The following PLCXD3 variants were observed in gnomAD, a reference collection of about 807,000 sequenced individuals.
PLCXD3 encodes the protein phosphatidylinositol specific phospholipase C X domain containing 3.
Under a neutral mutation model 25.5 loss-of-function variants are expected in PLCXD3, and 19 were observed. That is an observed-to-expected ratio of 0.75 (90% CI 0.52 to 1.09). PLCXD3 has a LOEUF of 1.09. Among genes scored for constraint, PLCXD3 ranks in the 50% least tolerant of loss-of-function variants. PLCXD3 has a pLI of 0.00. For synonymous variants in PLCXD3, 174 were observed against 137.6 expected (o/e 1.26, Z -1.85); for missense variants, 411 against 388.1 (o/e 1.06, Z -0.50).
intron 1 of PLCXD3, among the ~76,000 whole-genome samples, chr5:41,473,535 C>G (rs1748216828): frequency 1.3e-5 from 2 of 152,170 alleles, no homozygotes; most frequent in African/African-American, 4.8e-5. Flanking sequence ...CTCCGCCTCC[C>G]AGGTTCACGC....
At chr5:41,395,066 A>G (rs1745960439) in intron 1 of PLCXD3, among the ~76,000 whole-genome samples, 1 of 152,168 alleles carries the variant, frequency 6.6e-6, no homozygotes, top group African/African-American at 2.4e-5. Flanking sequence ...AATATATCAT[A>G]TATTAGGTCA....
In PLCXD3 at chr5:41,309,286, AAAAC is replaced by A. The variant is rs1743070651; in HGVS notation, c.*4327_*4330del. 6.6e-6 allele frequency: 1 copy of A among 152,606 alleles called. No individual in the cohort carries two copies. The allele number at this position is 152,606 out of a possible 1,614,324, so 9.5% of individuals were successfully genotyped here. On this transcript the variant is annotated 3_prime_UTR_variant, in exon 3 of 3. Coordinates refer to ENST00000377801, the MANE Select transcript of PLCXD3 (RefSeq NM_001005473.3). ...AGAACACTTTATCATTATCATTGGG[AAAAC>A]AAACAATTTAGAGCATTATTTAAAA...
chr5:41,442,716 CAG>C (rs1554050366), intron 1 of PLCXD3, among the ~76,000 whole-genome samples: 3 of 152,176 alleles, frequency 2.0e-5, no homozygotes, highest in African/African-American at 7.2e-5. Context: ...ATTTACCACA[CAG>C]GGGAAAGTCC....
chr5:41,374,398 G>C (rs758851293), intron 2 of PLCXD3, among the ~76,000 whole-genome samples: 3 of 152,106 alleles, frequency 2.0e-5, no homozygotes, highest in Admixed American at 6.6e-5. Context: ...CCCCTTTCTA[G>C]TGTTTCAAAA....
chr5:41,453,839 G>C (rs953779084), intron 1 of PLCXD3, among the ~76,000 whole-genome samples: 1 of 151,896 alleles, frequency 6.6e-6, no homozygotes, highest in Non-Finnish European at 1.5e-5. Flanking sequence ...GATTTGCCCA[G>C]AGTCACTCAG....
chr5:41,462,186 T>G (rs143410558), intron 1 of PLCXD3, among the ~76,000 whole-genome samples: 4 of 152,184 alleles, frequency 2.6e-5, no homozygotes, highest in African/African-American at 9.6e-5. Flanking sequence ...TTGCTCCTAG[T>G]CCAGATTCAG....
chr5:41,431,762 T>G (rs138456984), intron 1 of PLCXD3, among the ~76,000 whole-genome samples: 1 of 152,332 alleles, frequency 6.6e-6, no homozygotes, highest in East Asian at 1.9e-4. Context: ...CCATTACTCA[T>G]AAATCTCTAA....
intron 1 of PLCXD3, among the ~76,000 whole-genome samples, chr5:41,491,242 G>T (rs1006473162): frequency 6.6e-6 from 1 of 152,110 alleles, no homozygotes; most frequent in Non-Finnish European, 1.5e-5. Context: ...TAGTTGAGTG[G>T]TTTGAGTGAG....
In PLCXD3 at chr5:41,354,998, G is replaced by A. The variant is rs1324209074; in HGVS notation, c.812+26828C>T. On this transcript the variant is annotated intron_variant, in intron 2 of 2. Coordinates refer to ENST00000377801, the MANE Select transcript of PLCXD3 (RefSeq NM_001005473.3). ...TTGAAGTTTCCCCAAATGGTATGCT[G>A]TCTTACCTCCACAGAAAACATGTAG... 5.3e-5 allele frequency among the ~76,000 whole-genome samples: 8 copies of A among 152,252 alleles called. 1 individual carries two copies.
intron 1 of PLCXD3, among the ~76,000 whole-genome samples, chr5:41,461,728 G>A (rs565149482): frequency 6.6e-6 from 1 of 152,104 alleles, no homozygotes; most frequent in East Asian, 1.9e-4. Context: ...AGCAAATGAA[G>A]CAGCTTATTC....
chr5:41,502,523 G>A (rs1748974895), intron 1 of PLCXD3, among the ~76,000 whole-genome samples: 1 of 152,138 alleles, frequency 6.6e-6, no homozygotes, highest in Non-Finnish European at 1.5e-5. Flanking sequence ...TACAGATGAA[G>A]TAGGAAGAAG....
chr5:41,374,337 G>A (rs964457703), intron 2 of PLCXD3, among the ~76,000 whole-genome samples: 23 of 152,084 alleles, frequency 1.5e-4, no homozygotes, highest in Non-Finnish European at 2.1e-4. Flanking sequence ...CAAGTCCTAG[G>A]CTGGGAAAGG....
At chr5:41,505,319 T>A (rs1037381297) in intron 1 of PLCXD3, among the ~76,000 whole-genome samples, 5 of 152,188 alleles carry the variant, frequency 3.3e-5, no homozygotes, top group African/African-American at 1.2e-4. Context: ...CTGTTATATA[T>A]GCTTGTACTC....
chr5:41,323,954 T>C (rs779234525), intron 2 of PLCXD3, among the ~76,000 whole-genome samples: 5 of 152,116 alleles, frequency 3.3e-5, no homozygotes, highest in Admixed American at 6.5e-5. Context: ...TTGGAACACA[T>C]GAGTTGAGAT....
intron 1 of PLCXD3, among the ~76,000 whole-genome samples, chr5:41,395,654 C>T (rs1459714285): frequency 6.6e-6 from 1 of 151,974 alleles, no homozygotes; most frequent in Non-Finnish European, 1.5e-5. Context: ...AATTCAAAGG[C>T]TCATTAGCAG....
chr5:41,367,211 A>G (rs1438006301), intron 2 of PLCXD3, among the ~76,000 whole-genome samples: 2 of 152,044 alleles, frequency 1.3e-5, no homozygotes, highest in African/African-American at 4.8e-5. Context: ...TGAAGAATTG[A>G]CACATTGTCT....
chr5:41,457,079 A>C (rs1747770008), intron 1 of PLCXD3, among the ~76,000 whole-genome samples: 1 of 152,086 alleles, frequency 6.6e-6, no homozygotes, highest in South Asian at 2.1e-4. Flanking sequence ...CTTTCTGCAA[A>C]AATAAATCTT....
At chr5:41,426,257 G>A (rs143367237) in intron 1 of PLCXD3, among the ~76,000 whole-genome samples, 69 of 152,172 alleles carry the variant, frequency 4.5e-4, no homozygotes, top group African/African-American at 1.5e-3. Flanking sequence ...TCTTTGGTGA[G>A]GGGTGGGTTA....
intron 1 of PLCXD3, among the ~76,000 whole-genome samples, chr5:41,503,931 A>G (rs1749004756): frequency 6.6e-6 from 1 of 152,060 alleles, no homozygotes; most frequent in African/African-American, 2.4e-5. Flanking sequence ...TTTCCAGAAA[A>G]CACAGCTTTC....
Sources: gnomAD v4.1 joint callset for allele counts (sites outside exome capture counted in the v4.1 genomes callset) on GRCh38, gnomAD v4.1.1 for gene constraint, MANE v1.5 for transcripts, NCBI Gene and HGNC (gene_info 2026-07-23, HGNC 2026-07-21) for gene names.